Variants in KIF27 observed in about 807,000 individuals in gnomAD.
KIF27 encodes the protein kinesin family member 27.
A neutral mutation model predicts 141.8 loss-of-function variants in KIF27; 84 were observed. The observed-to-expected ratio is 0.59, with a 90% CI of 0.50 to 0.71. KIF27 has a LOEUF of 0.71. Among genes scored for constraint, KIF27 ranks in the 30% least tolerant of loss-of-function variants. The pLI, the probability that KIF27 is intolerant of heterozygous loss-of-function variation, is 0.00. For missense variants in KIF27, 1,306 were observed against 1,628.4 expected (o/e 0.80, Z 3.41); for synonymous variants, 471 against 569.5 (o/e 0.83, Z 2.46).
At chr9:83,896,655 T>C (rs1953290861) in intron 5 of KIF27, among the ~76,000 whole-genome samples, 3 of 152,354 alleles carry the variant, frequency 2.0e-5, no homozygotes, top group Non-Finnish European at 2.9e-5. Context: ...TAAACATATA[T>C]AAATGTAATT....
At chr9:83,910,056 TAC>T (rs1954983468) in intron 2 of KIF27, among the ~76,000 whole-genome samples, 3 of 18,910 alleles carry the variant, frequency 1.6e-4, no homozygotes, top group Non-Finnish European at 3.4e-4. Context: ...TTTCTCTAAA[TAC>T]ATACATACAT....
At chr9:83,899,200 A>C (rs1312645711) in intron 5 of KIF27, among the ~76,000 whole-genome samples, 4 of 152,210 alleles carry the variant, frequency 2.6e-5, no homozygotes, top group African/African-American at 9.6e-5. Flanking sequence ...TATACTGTAG[A>C]CATATCCATG....
Position 83,840,610 on chromosome 9 carries a change from G to C in KIF27, c.3721+1627C>G, listed in dbSNP as rs536148897. Among the ~76,000 whole-genome samples the C allele has an allele frequency of 2.1e-3, 324 of 152,208 alleles. 4 individuals are homozygous for C. The highest frequency in any genetic ancestry group is 0.018 in the Admixed American group (270 of 15,294). ...AATATCAGATACCTCAAATTTGACA[G>C]TAGACTTTTTTTCAAAGCTAAAGTG... On this transcript the variant is annotated intron_variant, in intron 17 of 17. Transcript: ENST00000297814.
intron 10 of KIF27, among the ~76,000 whole-genome samples, chr9:83,881,199 C>T (rs977214614): frequency 4.8e-4 from 73 of 152,024 alleles, no homozygotes; most frequent in Admixed American, 2.6e-4. Flanking sequence ...ACTAAAATTA[C>T]GTACAGATAG....
intron 16 of KIF27, among the ~76,000 whole-genome samples, chr9:83,846,085 C>A (rs1415136106): frequency 7.2e-5 from 11 of 152,038 alleles, no homozygotes; most frequent in Admixed American, 6.5e-4. Flanking sequence ...CTTCCACTCA[C>A]CAAGGCTGAC....
chr9:83,857,909 TTCTA>T (rs1588026038), intron 14 of KIF27, among the ~76,000 whole-genome samples: 1 of 152,134 alleles, frequency 6.6e-6, no homozygotes, highest in Non-Finnish European at 1.5e-5. Flanking sequence ...TTTCTTATAT[TTCTA>T]TCTGTTTTCC....
chr9:83,854,121 C>G (rs1050389575), intron 14 of KIF27, among the ~76,000 whole-genome samples: 1 of 152,142 alleles, frequency 6.6e-6, no homozygotes, highest in Non-Finnish European at 1.5e-5. Flanking sequence ...TAGGGGAGTT[C>G]TGAAATGTTC....
At chr9:83,871,965 G>A (rs536334127) in intron 11 of KIF27, among the ~76,000 whole-genome samples, 1 of 150,724 alleles carries the variant, frequency 6.6e-6, no homozygotes, top group East Asian at 2.0e-4. Context: ...GCCTCCCAAA[G>A]TGCTGGAATT....
At chr9:83,911,368 C>G (rs890009266) in intron 2 of KIF27, among the ~76,000 whole-genome samples, 2 of 151,854 alleles carry the variant, frequency 1.3e-5, no homozygotes, top group Non-Finnish European at 1.5e-5. Context: ...GTAGCTGGCA[C>G]TACAGGCGCC....
chr9:83,868,780 A>G (rs1043131677), intron 12 of KIF27, among the ~76,000 whole-genome samples: 1 of 152,116 alleles, frequency 6.6e-6, no homozygotes, highest in Non-Finnish European at 1.5e-5. Context: ...AGAAAAAGAG[A>G]GCAAAATGGC....
chr9:83,852,893 C>G (rs921249359), intron 15 of KIF27, among the ~76,000 whole-genome samples: 1 of 152,198 alleles, frequency 6.6e-6, no homozygotes, highest in African/African-American at 2.4e-5. Flanking sequence ...GCATGAGCCA[C>G]TGCACCTGGC....
chr9:83,897,186 C>T (rs1211139811), intron 5 of KIF27, among the ~76,000 whole-genome samples: 1 of 151,892 alleles, frequency 6.6e-6, no homozygotes, highest in Non-Finnish European at 1.5e-5. Context: ...AGAAGAAAAG[C>T]AGAAGGCCTT....
At position 83,918,576 on chromosome 9, in the gene KIF27, T is replaced by C. The variant is rs116820019; in HGVS notation, c.-88+2795A>G. On this transcript the variant is annotated intron_variant, in intron 1 of 17. Coordinates refer to ENST00000297814, the MANE Select transcript of KIF27 (RefSeq NM_017576.4). ...CGAAAAGGCAGTTCTTCAAAGAAGA[T>C]ATACAAATGAATAATGAGCACATGA... is the stretch of plus-strand genomic sequence containing the variant. Among the ~76,000 whole-genome samples, 1,493 of 152,312 alleles carry C rather than the reference T, an allele frequency of 9.8e-3. 25 individuals are homozygous for C. Among genetic ancestry groups the C allele is most frequent in the African/African-American group, 0.034 (1,414 of 41,560 alleles).
chr9:83,847,810 C>T (rs1242883263), intron 16 of KIF27: 1 of 151,982 alleles, frequency 6.6e-6, no homozygotes, highest in African/African-American at 2.4e-5. Context: ...TGCTTCCTGT[C>T]CTCGAACATC....
At chr9:83,913,189 A>G (rs1179754128) in intron 2 of KIF27, among the ~76,000 whole-genome samples, 5 of 152,096 alleles carry the variant, frequency 3.3e-5, no homozygotes, top group Non-Finnish European at 1.5e-5. Flanking sequence ...AACAAAAAAC[A>G]AAGTGAGACT....
chr9:83,908,403 AG>A (rs1954789423), intron 3 of KIF27, 48 bp downstream of exon 3: 2 of 1,100,688 alleles, frequency 1.8e-6, no homozygotes, highest in Non-Finnish European at 2.7e-6. Context: ...AAAGCATTAA[AG>A]CATGTCTGTT....
At chr9:83,840,784 T>C (rs3095764) in intron 17 of KIF27, among the ~76,000 whole-genome samples, 1 of 152,264 alleles carries the variant, frequency 6.6e-6, no homozygotes, top group Admixed American at 6.5e-5. Context: ...TGTATTACTA[T>C]ACTGAGAATC....
At chr9:83,843,105 A>G (rs1365454223) in intron 16 of KIF27, among the ~76,000 whole-genome samples, 1 of 150,198 alleles carries the variant, frequency 6.7e-6, no homozygotes, top group Non-Finnish European at 1.5e-5. Flanking sequence ...TGGTTATATA[A>G]AAAGTCACAT....
At position 83,872,032 on chromosome 9, in the gene KIF27, G is replaced by A. The variant is rs147290218; in HGVS notation, c.2644-1400C>T. ...CCACATCTTAAGGGTCAAGTCAAGA[G>A]GTGCGATGTTGGCCAGGAGTGGTGG... On this transcript the variant is annotated intron_variant, in intron 11 of 17. Coordinates refer to ENST00000297814, the MANE Select transcript of KIF27 (RefSeq NM_017576.4). Among the ~76,000 whole-genome samples, 1,244 of 150,606 alleles carry A rather than the reference G, an allele frequency of 8.3e-3. 20 individuals carry two copies. The highest frequency in any genetic ancestry group is 0.029 in the African/African-American group (1,179 of 41,126).
Sources: gnomAD v4.1 joint callset for allele counts (sites outside exome capture counted in the v4.1 genomes callset) on GRCh38, gnomAD v4.1.1 for gene constraint, MANE v1.5 for transcripts, NCBI Gene and HGNC (gene_info 2026-07-23, HGNC 2026-07-21) for gene names.